The following KREMEN1 variants were observed in gnomAD, a reference collection of about 807,000 sequenced individuals.
KREMEN1 encodes the protein kringle containing transmembrane protein 1, also known as kremen protein 1.
A neutral mutation model predicts 46.5 loss-of-function variants in KREMEN1; 30 were observed. That is an observed-to-expected ratio of 0.65 (90% CI 0.48 to 0.88). KREMEN1 has a LOEUF of 0.88. Ranked by LOEUF, KREMEN1 falls within the 40% of genes least tolerant of loss-of-function variation. KREMEN1 has a pLI of 0.00. For missense variants in KREMEN1, 533 were observed against 596.9 expected (o/e 0.89, Z 1.11); for synonymous variants, 214 against 230.6 (o/e 0.93, Z 0.65).
chr22:29,131,685 TAC>T (rs2038553093), intron 5 of KREMEN1, among the ~76,000 whole-genome samples: 2 of 127,512 alleles, frequency 1.6e-5, no homozygotes, highest in Non-Finnish European at 3.2e-5. Flanking sequence ...TATGCATATA[TAC>T]ATGTATATAT....
At chr22:29,149,558 T>C (rs182237065), downstream of KREMEN1, among the ~76,000 whole-genome samples, 121 of 152,280 alleles carry the variant, frequency 7.9e-4, 1 homozygote, top group African/African-American at 2.8e-3. Flanking sequence ...TGAAGGAAAA[T>C]ATTTTTAATG....
downstream of KREMEN1, among the ~76,000 whole-genome samples, chr22:29,151,701 C>T (rs1236326342): frequency 6.6e-6 from 1 of 151,918 alleles, no homozygotes; most frequent in Non-Finnish European, 1.5e-5. Flanking sequence ...TGATTTTTTC[C>T]CCCCAAAATT....
At chr22:29,088,421 C>T (rs1437197347) in intron 1 of KREMEN1, among the ~76,000 whole-genome samples, 1 of 152,132 alleles carries the variant, frequency 6.6e-6, no homozygotes, top group Non-Finnish European at 1.5e-5. Context: ...CTCTGCCTCC[C>T]AGGCTCAAGC....
chr22:29,100,822 G>A (rs1004443626), intron 3 of KREMEN1, among the ~76,000 whole-genome samples: 10 of 152,220 alleles, frequency 6.6e-5, no homozygotes, highest in Non-Finnish European at 1.5e-4. Flanking sequence ...GGAGGTGGAA[G>A]ACAGTGATAT....
intron 5 of KREMEN1, among the ~76,000 whole-genome samples, chr22:29,128,129 A>C (rs906154113): frequency 6.6e-6 from 1 of 152,198 alleles, no homozygotes; most frequent in African/African-American, 2.4e-5. Context: ...TTTTCTTTTT[A>C]GGGTGATAAA....
downstream of KREMEN1, among the ~76,000 whole-genome samples, chr22:29,148,981 C>T (rs1203292230): frequency 1.3e-5 from 2 of 152,030 alleles, no homozygotes; most frequent in Non-Finnish European, 2.9e-5. Context: ...CTGGGAATCC[C>T]TATGTGCTCT....
chr22:29,098,761 A>G (rs2037925285), intron 2 of KREMEN1, 101 bp from the exon 3 acceptor site: 1 of 870,372 alleles, frequency 1.1e-6, no homozygotes, highest in Non-Finnish European at 1.9e-6. Flanking sequence ...ATTAGAAATA[A>G]TACAGAAGCT....
At chr22:29,081,866 GC>G (rs1489105349) in intron 1 of KREMEN1, among the ~76,000 whole-genome samples, 1 of 152,158 alleles carries the variant, frequency 6.6e-6, no homozygotes, top group Non-Finnish European at 1.5e-5. Context: ...TTTGAAATGT[GC>G]TCTAGAGATA....
chr22:29,095,653 C>T (rs1387045776), intron 2 of KREMEN1, among the ~76,000 whole-genome samples: 1 of 152,202 alleles, frequency 6.6e-6, no homozygotes, highest in African/African-American at 2.4e-5. Flanking sequence ...GCTGAGCCAA[C>T]ATATATTTTC....
Position 29,167,483 on chromosome 22 carries a change from T to C in KREMEN1, c.*377T>C, listed in dbSNP as rs372964824. On this transcript the variant is annotated 3_prime_UTR_variant, in exon 10 of 10. Transcript: ENST00000327813. ...CCTTTCTCACCTACTTTGGGACCTT[T>C]GGGGGTGAGTTCCCCTTTGTCCTCT... 1.5e-3 allele frequency: 293 copies of C among 193,408 alleles called. 1 individual carries two copies. The highest frequency in any genetic ancestry group is 6.3e-3 in the African/African-American group (272 of 43,084). The allele number at this position is 193,408 out of a possible 1,614,324, so 12.0% of individuals were successfully genotyped here.
At chr22:29,093,953 G>C (rs1024347694) in intron 1 of KREMEN1, among the ~76,000 whole-genome samples, 1 of 152,176 alleles carries the variant, frequency 6.6e-6, no homozygotes, top group Non-Finnish European at 1.5e-5. Flanking sequence ...GGGGTTTCCT[G>C]GTTCACTTCA....
chr22:29,122,924 G>C (rs912968881), intron 4 of KREMEN1, among the ~76,000 whole-genome samples: 3 of 122,642 alleles, frequency 2.4e-5, no homozygotes, highest in African/African-American at 9.1e-5. Flanking sequence ...CTGGGCAACA[G>C]GGCGAGACTC....
At chr22:29,110,585 C>A (rs1045131220) in intron 3 of KREMEN1, among the ~76,000 whole-genome samples, 7 of 152,194 alleles carry the variant, frequency 4.6e-5, no homozygotes, top group Non-Finnish European at 8.8e-5. Context: ...TTTTTAGGAA[C>A]TCTTACTACC....
intron 9 of KREMEN1, among the ~76,000 whole-genome samples, chr22:29,157,735 A>G (rs2038975838): frequency 6.6e-6 from 1 of 152,178 alleles, no homozygotes; most frequent in African/African-American, 2.4e-5. Flanking sequence ...GCCTTGGAAA[A>G]TGGGGAGAAA....
chr22:29,105,463 GCACA>G (rs1181636900), intron 3 of KREMEN1, among the ~76,000 whole-genome samples: 1 of 112,880 alleles, frequency 8.9e-6, no homozygotes, highest in East Asian at 3.3e-4. Context: ...GTGCGTGTGC[GCACA>G]CACACACACA....
At chr22:29,133,126 T>G (rs1467557095) in intron 5 of KREMEN1, among the ~76,000 whole-genome samples, 2 of 151,944 alleles carry the variant, frequency 1.3e-5, no homozygotes, top group East Asian at 3.9e-4. Flanking sequence ...CGCATGCCTG[T>G]AGTCCCAGCT....
chr22:29,154,826 A>C (rs1444492107), intron 9 of KREMEN1: 1 of 136,096 alleles, frequency 7.3e-6, no homozygotes. Context: ...GCGAGAGAAA[A>C]GAAAAAAGAA....
intron 1 of KREMEN1, among the ~76,000 whole-genome samples, chr22:29,082,959 A>G (rs913467846): frequency 1.3e-5 from 2 of 152,040 alleles, no homozygotes; most frequent in Non-Finnish European, 2.9e-5. Context: ...TTTTTTTGAG[A>G]CAAGGTCTCA....
chr22:29,158,398 C>A (rs2038982507), intron 9 of KREMEN1, among the ~76,000 whole-genome samples: 1 of 152,114 alleles, frequency 6.6e-6, no homozygotes, highest in Admixed American at 6.5e-5. Context: ...TGTAAGAGGG[C>A]ACTGGGGAAG....
Sources: allele counts gnomAD v4.1 joint callset (sites outside exome capture counted in the v4.1 genomes callset), GRCh38; gene constraint gnomAD v4.1.1; transcripts MANE v1.5; gene names NCBI Gene and HGNC (gene_info 2026-07-23, HGNC 2026-07-21).